HSPG2: variants seen among roughly 807,000 people sequenced by gnomAD.
The protein encoded by HSPG2 is heparan sulfate proteoglycan 2.
Under a neutral mutation model 526.6 loss-of-function variants are expected in HSPG2, and 278 were observed. The observed-to-expected ratio is 0.53, with a 90% CI of 0.48 to 0.58. The LOEUF is 0.58. HSPG2 is among the 20% of genes least tolerant of loss of function. The pLI is 0.00. For synonymous variants in HSPG2, 2,465 were observed against 2,555.4 expected, an observed-to-expected ratio of 0.96 and a Z score of 1.07; for missense variants, 5,354 against 6,099.5, an observed-to-expected ratio of 0.88 and a Z score of 4.07.
Position 21,884,554 on chromosome 1 carries a change from C to T in HSPG2, c.1628G>A (p.Arg543His), listed in dbSNP as rs375111629. 19 of 1,611,172 alleles carry T rather than the reference C, an allele frequency of 1.2e-5. No homozygotes were observed. The highest frequency in any genetic ancestry group is 2.2e-4 in the Middle Eastern group (1 of 4,472). The change falls in exon 13 of 97, where the codon CGC (arginine) becomes CAC (histidine). Residue 543 changes from arginine (R) to histidine (H), a missense_variant. Transcript: ENST00000374695. ...TRRFRDQIRL[R>H]FDQPDDFKGV... is the part of the protein sequence containing the mutation. Reference sequence around the variant, plus strand: ...CTTGAAGTCATCGGGTTGGTCAAAGCGCAGCCTGATCTGGTCCCGGAAGCG... The same window carrying T: ...CTTGAAGTCATCGGGTTGGTCAAAGTGCAGCCTGATCTGGTCCCGGAAGCG...
chr1:21,835,042 C>T (rs1160822747), intron 76 of HSPG2, 97 bp from the exon 77 acceptor site: 3 of 1,348,586 alleles, frequency 2.2e-6, no homozygotes, highest in Admixed American at 1.8e-5. Context: ...AGCACTGAAG[C>T]TCCAGCATTC....
At position 21,876,413 on chromosome 1, in the gene HSPG2, G is replaced by T. The variant is rs746498915; in HGVS notation, c.2827-8C>A. ...CTCAGAGGCCCCATGCAACTGGGAG[G>T]AGGAGAAAGGGCTGGGATGGGGGCC... On this transcript the variant is annotated splice_polypyrimidine_tract_variant and splice_region_variant and intron_variant, in intron 22 of 96. Transcript: ENST00000374695. 2 of 1,610,342 alleles carry T rather than the reference G, an allele frequency of 1.2e-6. No individual in the cohort carries two copies. Among genetic ancestry groups the T allele is most frequent in the Non-Finnish European group, 1.7e-6 (2 of 1,178,334 alleles).
intron 21 of HSPG2, 139 bp downstream of exon 21, chr1:21,878,047 G>A (rs1641217462): frequency 2.7e-6 from 2 of 742,166 alleles, no homozygotes; most frequent in Non-Finnish European, 4.5e-6. Flanking sequence ...GAAGGCCGGT[G>A]GGCCAGGTCC....
chr1:21,864,291 C>T lies in HSPG2; in HGVS notation c.4627-78G>A. 8.5e-7 allele frequency: 1 copy of T among 1,172,162 alleles called. No individual in the cohort carries two copies. The highest frequency in any genetic ancestry group is 1.2e-6 in the Non-Finnish European group (1 of 802,878). The allele number at this position is 1,172,162 out of a possible 1,614,324, so 72.6% of individuals were successfully genotyped here. A position where few individuals can be genotyped will look rare whatever the true frequency, so the allele number is the denominator to read the frequency against. ...CCAGCAGACCCAGAACCCCTCCCTC[C>T]AGTGTCCTCCCAGGGGTGACCCTGG... On this transcript the variant is annotated intron_variant, in intron 36 of 96. Transcript: ENST00000374695. The surrounding 1 kb of genome is among the most constrained non-coding windows in gnomAD (Gnocchi z 4.8).
At chr1:21,913,368 G>A (rs116572757) in intron 1 of HSPG2, among the ~76,000 whole-genome samples, 7 of 152,322 alleles carry the variant, frequency 4.6e-5, no homozygotes, top group Non-Finnish European at 8.8e-5. Flanking sequence ...GCTGGCAAGG[G>A]AGGGATGCCG....
intron 1 of HSPG2, among the ~76,000 whole-genome samples, chr1:21,934,721 G>A (rs1469168898): frequency 6.6e-6 from 1 of 151,704 alleles, no homozygotes; most frequent in Non-Finnish European, 1.5e-5. Context: ...TCAGCCTCCG[G>A]AGTAGCTGGG....
At chr1:21,871,845 C>T (rs947585785) in intron 33 of HSPG2, among the ~76,000 whole-genome samples, 1 of 152,228 alleles carries the variant, frequency 6.6e-6, no homozygotes, top group Non-Finnish European at 1.5e-5. Context: ...GTGAATGACA[C>T]TGAAACTGTG....
At chr1:21,849,068 T>C in intron 57 of HSPG2, 37 bp from the exon 58 acceptor site, 1 of 1,607,524 alleles carries the variant, frequency 6.2e-7, no homozygotes, top group South Asian at 1.1e-5. Flanking sequence ...GGCTCAGAGC[T>C]GGGCACTGCG....
At position 21,875,760 on chromosome 1, in the gene HSPG2, G is replaced by A. The variant is rs769710873; in HGVS notation, c.3184-13C>T. On this transcript the variant is annotated splice_polypyrimidine_tract_variant and intron_variant, in intron 24 of 96. Coordinates refer to ENST00000374695, the MANE Select transcript of HSPG2 (RefSeq NM_005529.7). Reference sequence around the variant, plus strand: ...GCTGCCATGCTTGCTGCCAAGGAGAGGACACATGTGCTCAGCCCCTGACGT... The same window carrying A: ...GCTGCCATGCTTGCTGCCAAGGAGAAGACACATGTGCTCAGCCCCTGACGT... 2 of 1,605,708 alleles carry A rather than the reference G, an allele frequency of 1.2e-6. No individual in the cohort carries two copies. Among genetic ancestry groups the A allele is most frequent in the South Asian group, 1.1e-5 (1 of 91,066 alleles).
rs1192785562 is a variant in HSPG2 at position 21,831,007 on chromosome 1, G to A, written c.11646C>T (p.His3882=). ...CTGGATGGCAGTGCAGGGCCTGCGAGTGCTCACAGCGGCTCCCGGTGAAGC... is the reference window on the plus strand; with the variant it reads ...CTGGATGGCAGTGCAGGGCCTGCGAATGCTCACAGCGGCTCCCGGTGAAGC... ...PAGFTGSRCE[H]SQALHCHPEA... is the part of the protein sequence containing the mutation. The change falls in exon 85 of 97, where the codon CAC becomes CAT. Residue 3882 remains histidine (H), a synonymous_variant. Transcript: ENST00000374695. The A allele has an allele frequency of 6.3e-7, 1 of 1,587,744 alleles. No individual in the cohort carries two copies. Among genetic ancestry groups the A allele is most frequent in the Admixed American group, 1.8e-5 (1 of 55,012 alleles).
rs1005694997 is a variant in HSPG2 at position 21,852,936 on chromosome 1, G to A, written c.6574C>T (p.Leu2192Phe). Reference sequence around the variant, plus strand: ...TGCCATACCTGGTGCCGGGCAGGGAGGCTGCCCCCACGCTTGTGCCACGTG... The same window carrying A: ...TGCCATACCTGGTGCCGGGCAGGGAAGCTGCCCCCACGCTTGTGCCACGTG... Reference protein sequence around the residue: ...QVTWHKRGGSLPARHQTHGSL... With the variant: ...QVTWHKRGGSFPARHQTHGSL... The change falls in exon 51 of 97, where the codon CTC becomes TTC. Residue 2192 changes from leucine (L) to phenylalanine (F), a missense_variant. Physicochemically the swap from Leu to Phe is conservative, Grantham distance 22 (BLOSUM62 0). Transcript: ENST00000374695. 1.2e-6 allele frequency: 2 copies of A among 1,613,156 alleles called. No homozygotes were observed. The highest frequency in any genetic ancestry group is 2.2e-5 in the East Asian group (1 of 44,890).
intron 33 of HSPG2, chr1:21,870,846 G>A (rs1332890454): frequency 1.0e-6 from 1 of 986,106 alleles, no homozygotes; most frequent in East Asian, 1.1e-4. Context: ...GGTGAGCCCG[G>A]CGCATCCGCG....
rs1177370294 is a variant in HSPG2 at position 21,824,065 on chromosome 1, C to T, written c.12899+56G>A. The T allele has an allele frequency of 2.0e-6, 3 of 1,478,218 alleles. No homozygotes were observed. The highest frequency in any genetic ancestry group is 2.8e-6 in the Non-Finnish European group (3 of 1,068,478). 91.6% of individuals were successfully genotyped at this position (1,478,218 alleles called of 1,614,324 possible). A position where few individuals can be genotyped will look rare whatever the true frequency, so the allele number is the denominator to read the frequency against. ...CCTCTCTGCCCATGGTAGGGGGCGTCCTGCCCCACTCCAGAACGCTGGGCC... is the reference window on the plus strand; with the variant it reads ...CCTCTCTGCCCATGGTAGGGGGCGTTCTGCCCCACTCCAGAACGCTGGGCC... On this transcript the variant is annotated intron_variant, in intron 95 of 96. Coordinates refer to ENST00000374695, the MANE Select transcript of HSPG2 (RefSeq NM_005529.7). The surrounding 1 kb of genome is among the most constrained non-coding windows in gnomAD (Gnocchi z 5.9).
rs557012088 is a variant in HSPG2 at position 21,841,704 on chromosome 1, G to A, written c.9194-31C>T. Reference sequence around the variant, plus strand: ...AGGTTGCATGGGGGAGGGTGAGAGAGGATTGACCTGGTCCTTCTCGTGTCT... The same window carrying A: ...AGGTTGCATGGGGGAGGGTGAGAGAAGATTGACCTGGTCCTTCTCGTGTCT... On this transcript the variant is annotated intron_variant, in intron 69 of 96. Coordinates refer to ENST00000374695, the MANE Select transcript of HSPG2 (RefSeq NM_005529.7). 6.8e-6 allele frequency: 11 copies of A among 1,607,222 alleles called. No homozygotes were observed. In the East Asian group the frequency reaches 1.8e-4, roughly 26 times the overall value.
chr1:21,846,724 G>T, intron 62 of HSPG2, 125 bp from the exon 63 acceptor site: 2 of 1,104,372 alleles, frequency 1.8e-6, no homozygotes, highest in Non-Finnish European at 1.3e-6. Flanking sequence ...ACTTGGCCGG[G>T]CATGGTGGCT....
rs1458893014 is a variant in HSPG2 at position 21,890,389 on chromosome 1, T to C, written c.413+38A>G. The C allele has an allele frequency of 6.2e-7, 1 of 1,602,396 alleles. No individual in the cohort carries two copies. Among genetic ancestry groups the C allele is most frequent in the Non-Finnish European group, 8.5e-7 (1 of 1,169,686 alleles). ...CATCAGCCCCCTCCAGGTTACCCGC[T>C]CAAGTCCCCCAGCAGCCCCCAGGGA... On this transcript the variant is annotated intron_variant, in intron 5 of 96. Transcript: ENST00000374695. This position sits in a 1 kb window ranked among gnomAD's most constrained non-coding sequence, Gnocchi z 4.1.
rs2098018797 is a variant in HSPG2, at chr1:21,834,625, A to G, written c.10720+54T>C. 2.0e-5 allele frequency: 32 copies of G among 1,593,538 alleles called. No individual in the cohort carries two copies. In the South Asian group the frequency reaches 3.3e-4, roughly 17 times the overall value. ...CGGGCAGGCAGAAGATGGCAGCAGG[A>G]GAAGCCCCTGCCCCACTCACTGTCC... is the stretch of plus-strand genomic sequence containing the variant. On this transcript the variant is annotated intron_variant, in intron 77 of 96. Coordinates refer to ENST00000374695, the MANE Select transcript of HSPG2 (RefSeq NM_005529.7).
At chr1:21,899,032 G>T (rs747215944) in intron 1 of HSPG2, among the ~76,000 whole-genome samples, 1 of 152,142 alleles carries the variant, frequency 6.6e-6, no homozygotes, top group Non-Finnish European at 1.5e-5. Flanking sequence ...AGGGAGAGGG[G>T]AAAGAGAGGC....
At chr1:21,892,862 C>CAAAAAAAAA (rs564802827) in intron 3 of HSPG2, among the ~76,000 whole-genome samples, 1 of 103,928 alleles carries the variant, frequency 9.6e-6, no homozygotes, top group African/African-American at 3.9e-5. Context: ...GACTCCATCT[C>CAAAAAAAAA]AAAAAAAAAA....
Sources: gnomAD v4.1 joint callset for allele counts (sites outside exome capture counted in the v4.1 genomes callset) on GRCh38, gnomAD v4.1.1 for gene constraint, Gnocchi (gnomAD v3.1) non-coding constraint, MANE v1.5 for transcripts, NCBI Gene and HGNC (gene_info 2026-07-23, HGNC 2026-07-21) for gene names.